The following DRAM2 variants were observed in gnomAD, a reference collection of about 807,000 sequenced individuals.
DRAM2 encodes the protein DNA damage regulated autophagy modulator 2.
In DRAM2, 26 loss-of-function variants were observed where a neutral mutation model predicts 33.5. The ratio of observed to expected loss-of-function variants is 0.78; its 90% CI spans 0.57 to 1.08. The LOEUF (loss-of-function observed/expected upper bound fraction) is 1.08. DRAM2 is among the 50% of genes least tolerant of loss of function. The probability of loss-of-function intolerance (pLI) is 0.00; values close to 1 mark genes in which losing one functional copy is unlikely to be tolerated. For synonymous variants in DRAM2, 98 were observed against 109.5 expected (o/e 0.89, Z 0.66); for missense variants, 311 against 318.1 (o/e 0.98, Z 0.17).
chr1:111,119,165 G>A (rs770754984), intron 8 of DRAM2, among the ~76,000 whole-genome samples: 7 of 151,796 alleles, frequency 4.6e-5, no homozygotes, highest in Non-Finnish European at 7.4e-5. Context: ...CTCTACAATC[G>A]AGAAATTACT....
At chr1:111,137,486 T>C (rs1241480537) in intron 3 of DRAM2, 37 bp downstream of exon 3, 1 of 152,232 alleles carries the variant, frequency 6.6e-6, no homozygotes, top group Non-Finnish European at 1.5e-5. Context: ...ATGATCAGTA[T>C]GTACTTGTTC....
At chr1:111,134,982 C>T (rs562738012) in intron 3 of DRAM2, among the ~76,000 whole-genome samples, 48 of 152,232 alleles carry the variant, frequency 3.2e-4, no homozygotes, top group Admixed American at 5.2e-4. Flanking sequence ...TGATGGCAGA[C>T]CCTCCAGTTT....
chr1:111,129,605 G>T (rs1204355968), intron 4 of DRAM2, among the ~76,000 whole-genome samples: 1 of 152,094 alleles, frequency 6.6e-6, no homozygotes, highest in Non-Finnish European at 1.5e-5. Context: ...ATTTGGAAAT[G>T]TCAAATGAAA....
chr1:111,120,058 G>A, intron 7 of DRAM2, 99 bp from the exon 8 acceptor site: 4 of 1,018,558 alleles, frequency 3.9e-6, no homozygotes, highest in Non-Finnish European at 5.9e-6. Flanking sequence ...TATTGCTAAG[G>A]TCTAAACCCA....
chr1:111,122,873 G>A (rs1378710263), intron 6 of DRAM2, among the ~76,000 whole-genome samples: 1 of 152,136 alleles, frequency 6.6e-6, no homozygotes, highest in Non-Finnish European at 1.5e-5. Flanking sequence ...AAGTACTCTT[G>A]TGAAGGTAAA....
intron 6 of DRAM2, among the ~76,000 whole-genome samples, 159 bp downstream of exon 6, chr1:111,124,582 TA>T (rs1650621800): frequency 6.6e-6 from 1 of 152,200 alleles, no homozygotes; most frequent in Admixed American, 6.5e-5. Context: ...GTTGTGCAAG[TA>T]GCTATTTCTA....
intron 4 of DRAM2, among the ~76,000 whole-genome samples, chr1:111,130,582 T>A (rs767735049): frequency 6.6e-6 from 1 of 150,748 alleles, no homozygotes; most frequent in Non-Finnish European, 1.5e-5. Flanking sequence ...CGCCTGTAAT[T>A]CTAGTGACTC....
chr1:111,124,861 G>A lies in DRAM2; in HGVS notation c.220C>T (p.Arg74Cys), dbSNP rs1039839796. The A allele has an allele frequency of 5.0e-6, 8 of 1,611,572 alleles. No individual in the cohort carries two copies. In the East Asian group the frequency reaches 6.7e-5, roughly 13 times the overall value. ...AVLCIATIYV[R>C]YKQVHALSPE... is the part of the protein sequence containing the mutation. ...CTCAGAGCATGAACTTGCTTATAAC[G>A]AACATAAATGGTAGCAATGCCTGGG... Residue 74 changes from arginine (R) to cysteine (C), a missense_variant, in exon 6 of 10, where the codon CGT (arginine) becomes TGT (cysteine). By Grantham distance (180) the Arg-to-Cys change is radical. Coordinates refer to ENST00000484310, the MANE Select transcript of DRAM2 (RefSeq NM_001349884.2).
At chr1:111,134,294 T>G (rs965437098) in intron 3 of DRAM2, among the ~76,000 whole-genome samples, 4 of 151,958 alleles carry the variant, frequency 2.6e-5, no homozygotes, top group Non-Finnish European at 4.4e-5. Context: ...AAGGAGTATC[T>G]TCTCATATTT....
Position 111,118,860 on chromosome 1 carries a change from C to G in DRAM2, c.638G>C (p.Trp213Ser). ...VLHMITTAAE[W>S]SMSFSFFGFF... ...ACCAAAGAAGGAAAATGACATAGAC[C>G]ATTCTGCTGCAGTAGTGATCATGTG... The change falls in exon 9 of 10, where the codon TGG (tryptophan) becomes TCG (serine). Residue 213 changes from tryptophan (W) to serine (S), a missense_variant. Trp to Ser is a radical substitution (Grantham distance 177, BLOSUM62 -3). Transcript: ENST00000484310. 6.2e-7 allele frequency: 1 copy of G among 1,610,030 alleles called. No homozygotes were observed. The highest frequency in any genetic ancestry group is 8.5e-7 in the Non-Finnish European group (1 of 1,177,692).
At chr1:111,124,716 T>C (rs1650647228) in intron 6 of DRAM2, 26 bp downstream of exon 6, 1 of 1,611,646 alleles carries the variant, frequency 6.2e-7, no homozygotes, top group Non-Finnish European at 8.5e-7. Flanking sequence ...TTAAGGAAAA[T>C]ACCTATGCTG....
At position 111,118,166 on chromosome 1, in the gene DRAM2, A is replaced by C. The variant is rs781375668; in HGVS notation, c.795T>G (p.Asp265Glu). The C allele has an allele frequency of 8.8e-5, 142 of 1,611,216 alleles. No individual in the cohort carries two copies. The highest frequency in any genetic ancestry group is 1.2e-4 in the Non-Finnish European group (141 of 1,177,666). ...GAAATATTTTATCCTTTCATCAAAT[A>C]TCTCTGGAAAGTAGCCGTGTTCGTT... ...NNERTRLLSR[D>E]I The change falls in exon 10 of 10, where the codon GAT becomes GAG. Residue 265 changes from aspartate (D) to glutamate (E), a missense_variant. Asp to Glu is a conservative substitution (Grantham distance 45). Coordinates refer to ENST00000484310, the MANE Select transcript of DRAM2 (RefSeq NM_001349884.2).
intron 5 of DRAM2, 25 bp downstream of exon 5, chr1:111,126,202 T>C (rs935628073): frequency 1.3e-6 from 2 of 1,528,194 alleles, no homozygotes; most frequent in Non-Finnish European, 1.8e-6. Context: ...GCTATTATCA[T>C]GTTAAAATCA....
intron 2 of DRAM2, among the ~76,000 whole-genome samples, chr1:111,138,077 G>A (rs1444160941): frequency 2.6e-5 from 4 of 152,216 alleles, no homozygotes; most frequent in Admixed American, 6.5e-5. Context: ...GTTCCTTGGA[G>A]TGGAGTAGAA....
chr1:111,125,332 G>C (rs1650805339), intron 5 of DRAM2: 1 of 152,856 alleles, frequency 6.5e-6, no homozygotes, highest in Non-Finnish European at 1.5e-5. Context: ...ATCAGCACTA[G>C]TTATAGAATA....
intron 2 of DRAM2, among the ~76,000 whole-genome samples, chr1:111,138,652 C>T (rs1177356642): frequency 6.6e-6 from 1 of 152,078 alleles, no homozygotes; most frequent in African/African-American, 2.4e-5. Context: ...GGCGTGGTGG[C>T]GGGCGCCTGT....
intron 4 of DRAM2, among the ~76,000 whole-genome samples, chr1:111,127,105 C>A (rs1373482420): frequency 2.0e-5 from 3 of 152,164 alleles, no homozygotes; most frequent in Non-Finnish European, 1.5e-5. Flanking sequence ...CATTCCCTCC[C>A]AGCTCATCAT....
At chr1:111,133,567 G>A (rs1652569692) in intron 3 of DRAM2, among the ~76,000 whole-genome samples, 1 of 152,152 alleles carries the variant, frequency 6.6e-6, no homozygotes, top group South Asian at 2.1e-4. Flanking sequence ...CATTACAAAA[G>A]CAAACACCTA....
At chr1:111,131,713 C>T (rs1024288934) in intron 3 of DRAM2, 145 bp from the exon 4 acceptor site, 5 of 713,016 alleles carry the variant, frequency 7.0e-6, no homozygotes, top group Non-Finnish European at 1.1e-5. Context: ...CCAATACTCG[C>T]TCTCCTTCCC....
Sources: allele counts gnomAD v4.1 joint callset (sites outside exome capture counted in the v4.1 genomes callset), GRCh38; gene constraint gnomAD v4.1.1; transcripts MANE v1.5; gene names NCBI Gene and HGNC (gene_info 2026-07-23, HGNC 2026-07-21).